Variants in PDE1B observed in about 807,000 individuals in gnomAD.
PDE1B encodes the protein phosphodiesterase 1B.
A neutral mutation model predicts 66.7 loss-of-function variants in PDE1B; 13 were observed. That is an observed-to-expected ratio of 0.19 (90% confidence interval 0.13 to 0.31). The LOEUF (loss-of-function observed/expected upper bound fraction) is 0.31. Ranked by LOEUF, PDE1B falls within the 10% of genes least tolerant of loss-of-function variation. The pLI is 1.00. For missense variants in PDE1B, 485 were observed against 682.3 expected, an observed-to-expected ratio of 0.71 and a Z score of 3.22; for synonymous variants, 230 against 253.9, an observed-to-expected ratio of 0.91 and a Z score of 0.90.
chr12:54,551,594 C>T (rs1957278312), intron 2 of PDE1B, among the ~76,000 whole-genome samples: 1 of 152,154 alleles, frequency 6.6e-6, no homozygotes, highest in Admixed American at 6.5e-5. Context: ...AGGATGGCTC[C>T]CCTAACACTA....
intron 3 of PDE1B, 192 bp from the exon 4 acceptor site, chr12:54,568,992 C>A: frequency 1.1e-6 from 1 of 940,376 alleles, no homozygotes; most frequent in Non-Finnish European, 1.5e-6. Context: ...CACTACCTCA[C>A]ATGGAGACCT....
chr12:54,566,548 C>T (rs1196781552), intron 2 of PDE1B, among the ~76,000 whole-genome samples: 2 of 152,192 alleles, frequency 1.3e-5, no homozygotes, highest in Non-Finnish European at 2.9e-5. Flanking sequence ...TGCTATTGAT[C>T]CCAAAGCCCT....
chr12:54,550,910 A>C (rs1036470985), intron 2 of PDE1B, among the ~76,000 whole-genome samples: 1 of 152,194 alleles, frequency 6.6e-6, no homozygotes. Context: ...GCCATGCACC[A>C]TGTTTATCTC....
rs1957715248 is a variant in PDE1B at position 54,575,358 on chromosome 12, C to T, written c.1185+140C>T. On this transcript the variant is annotated intron_variant, in intron 11 of 15. Coordinates refer to ENST00000243052, the MANE Select transcript of PDE1B (RefSeq NM_000924.4). This position sits in a 1 kb window ranked among gnomAD's most constrained non-coding sequence, Gnocchi z 4.0. ...TGATCCCAAATCCTTGGGGTAAAAC[C>T]CCATTATCCTAAAAGCCTAACAATA... 1.1e-5 allele frequency: 9 copies of T among 818,690 alleles called. No individual in the cohort carries two copies. Among genetic ancestry groups the T allele is most frequent in the Admixed American group, 2.0e-5 (1 of 50,568 alleles). The allele number at this position is 818,690 out of a possible 1,614,324, so 50.7% of individuals were successfully genotyped here. A position where few individuals can be genotyped will look rare whatever the true frequency, so the allele number is the denominator to read the frequency against.
intron 2 of PDE1B, among the ~76,000 whole-genome samples, chr12:54,559,758 G>C (rs1484131204): frequency 2.0e-5 from 3 of 152,176 alleles, no homozygotes; most frequent in Admixed American, 6.5e-5. Flanking sequence ...GGAGAGTTGA[G>C]GTTAGCACTT....
chr12:54,573,642 G>A lies in PDE1B; in HGVS notation c.997G>A (p.Ala333Thr). The A allele has an allele frequency of 6.2e-7, 1 of 1,614,114 alleles. No individual in the cohort carries two copies. Among genetic ancestry groups the A allele is most frequent in the Non-Finnish European group, 8.5e-7 (1 of 1,180,030 alleles). Reference sequence around the variant, plus strand: ...AGCCCTGGTCATTGAGATGGTGTTGGCCACAGACATGTCCTGCCATTTCCA... The same window carrying A: ...AGCCCTGGTCATTGAGATGGTGTTGACCACAGACATGTCCTGCCATTTCCA... ...LRALVIEMVL[A>T]TDMSCHFQQV... is the part of the protein sequence containing the mutation. The change falls in exon 10 of 16, where the codon GCC becomes ACC. Residue 333 changes from alanine to threonine, a missense_variant. Physicochemically the swap from Ala to Thr is moderately conservative, Grantham distance 58. This residue lies in a region of PDE1B where 282 missense variants were observed against 453.4 expected (regional missense o/e 0.62). Transcript: ENST00000243052. This position sits in a 1 kb window ranked among gnomAD's most constrained non-coding sequence, Gnocchi z 5.2.
At chr12:54,576,359 T>G (rs1200146356) in intron 13 of PDE1B, 1 of 627,218 alleles carries the variant, frequency 1.6e-6, no homozygotes, top group Non-Finnish European at 2.8e-6. Flanking sequence ...TTGTTTTAAT[T>G]TTCCTTCTAC....
chr12:54,564,451 G>T (rs958721371), intron 2 of PDE1B, among the ~76,000 whole-genome samples: 4 of 151,862 alleles, frequency 2.6e-5, no homozygotes, highest in Non-Finnish European at 5.9e-5. Flanking sequence ...GGGCAACATA[G>T]CAGGACCTCA....
chr12:54,551,615 A>G (rs908161644), intron 2 of PDE1B, among the ~76,000 whole-genome samples: 2 of 152,216 alleles, frequency 1.3e-5, no homozygotes, highest in Non-Finnish European at 2.9e-5. Context: ...GTGGCTCATC[A>G]TACTTACCTT....
intron 2 of PDE1B, among the ~76,000 whole-genome samples, chr12:54,563,089 C>T (rs58004104): frequency 0.061 from 9,278 of 152,194 alleles, 957 homozygotes; most frequent in African/African-American, 0.21. Context: ...TTCCCCTTTC[C>T]GTTTTATTTA....
Position 54,549,792 on chromosome 12 carries a change from G to C in PDE1B, c.-14+20G>C, listed in dbSNP as rs908853172. 11 of 1,104,166 alleles carry C rather than the reference G, an allele frequency of 1.0e-5. No individual in the cohort carries two copies. Among genetic ancestry groups the C allele is most frequent in the South Asian group, 8.1e-5 (6 of 73,988 alleles). The allele number at this position is 1,104,166 out of a possible 1,614,324, so 68.4% of individuals were successfully genotyped here. ...CCGCAGGTGGGAAGGGCCTGGGATG[G>C]GGGGTGAGGGTCTCTCGGCTGGGGC... On this transcript the variant is annotated intron_variant, in intron 1 of 15. Coordinates refer to ENST00000243052, the MANE Select transcript of PDE1B (RefSeq NM_000924.4).
At position 54,576,389 on chromosome 12, in the gene PDE1B, A is replaced by G. The variant is rs181880928; in HGVS notation, c.1377-182A>G. The G allele has an allele frequency of 2.7e-4, 179 of 655,114 alleles. No individual in the cohort carries two copies. In the African/African-American group the frequency reaches 2.8e-3, roughly 10 times the overall value. 40.6% of individuals were successfully genotyped at this position (655,114 alleles called of 1,614,324 possible). A position where few individuals can be genotyped will look rare whatever the true frequency, so the allele number is the denominator to read the frequency against. On this transcript the variant is annotated intron_variant, in intron 13 of 15. Transcript: ENST00000243052. ...TTCTACCAGGAGGGAAGATGTGGAG[A>G]GGGAGGGGTGAAATGAGGGGGAGAG...
chr12:54,549,746 G>T lies in PDE1B; in HGVS notation c.-40G>T, dbSNP rs907044285. 3 of 690,472 alleles carry T rather than the reference G, an allele frequency of 4.3e-6. No individual in the cohort carries two copies. The highest frequency in any genetic ancestry group is 4.9e-5 in the Admixed American group (2 of 40,634). The allele number at this position is 690,472 out of a possible 1,614,324, so 42.8% of individuals were successfully genotyped here. A position where few individuals can be genotyped will look rare whatever the true frequency, so the allele number is the denominator to read the frequency against. On this transcript the variant is annotated 5_prime_UTR_variant, in exon 1 of 16. Coordinates refer to ENST00000243052, the MANE Select transcript of PDE1B (RefSeq NM_000924.4). ...AGCTTGGGCCGAGCCTAGAGACACC[G>T]GCCTGGCTGGTCCACGCCAGCCGCA...
At position 54,573,316 on chromosome 12, in the gene PDE1B, C is replaced by T. The variant is rs145609580; in HGVS notation, c.837-39C>T. On this transcript the variant is annotated intron_variant, in intron 8 of 15. Transcript: ENST00000243052. The surrounding 1 kb of genome is among the most constrained non-coding windows in gnomAD (Gnocchi z 5.2). ...AGGTGGGGAGGTTGCCGGAGTCCCT[C>T]CTTACAGGGGGTGGTCATGATGACC... The T allele has an allele frequency of 2.6e-4, 427 of 1,614,014 alleles. No individual in the cohort carries two copies. In the African/African-American group the frequency reaches 4.6e-3, roughly 17 times the overall value.
rs142403478 is a variant in PDE1B, at chr12:54,573,856, T to TGAGAGAGAGA, written c.1064+153_1064+162dup. 2,199 of 463,454 alleles carry TGAGAGAGAGA rather than the reference T, an allele frequency of 4.7e-3. 89 individuals carry two copies. Among genetic ancestry groups the TGAGAGAGAGA allele is most frequent in the African/African-American group, 0.016 (653 of 40,022 alleles). 28.7% of individuals were successfully genotyped at this position (463,454 alleles called of 1,614,324 possible). On this transcript the variant is annotated intron_variant, in intron 10 of 15. Transcript: ENST00000243052. This position sits in a 1 kb window ranked among gnomAD's most constrained non-coding sequence, Gnocchi z 5.2. ...TCAGGTATCAGACTGCATCTCTATG[T>TGAGAGAGAGA]GAGAGAGAGAGAGAGTGTGTGTGTG...
chr12:54,567,538 A>T (rs937067912), intron 3 of PDE1B, among the ~76,000 whole-genome samples: 1 of 151,616 alleles, frequency 6.6e-6, no homozygotes, highest in African/African-American at 2.4e-5. Flanking sequence ...TAAAAAAAAT[A>T]AAAAAAGAGC....
chr12:54,572,749 C>G lies in PDE1B; in HGVS notation c.735+8C>G, dbSNP rs773537744. The G allele has an allele frequency of 1.9e-5, 30 of 1,613,058 alleles. No homozygotes were observed. Among genetic ancestry groups the G allele is most frequent in the Admixed American group, 3.3e-5 (2 of 59,990 alleles). ...CTCCGCACAGGGATGGTGGTAGGTGCCCTGGAGATGATTCTTCTGTGATTC... is the reference window on the plus strand; with the variant it reads ...CTCCGCACAGGGATGGTGGTAGGTGGCCTGGAGATGATTCTTCTGTGATTC... On this transcript the variant is annotated splice_region_variant and intron_variant, in intron 7 of 15. Transcript: ENST00000243052.
chr12:54,555,768 T>C, intron 2 of PDE1B, among the ~76,000 whole-genome samples: 1 of 152,172 alleles, frequency 6.6e-6, no homozygotes, highest in East Asian at 1.9e-4. Context: ...ATCTTCTCCT[T>C]TGCCTCATCT....
At position 54,576,447 on chromosome 12, in the gene PDE1B, A is replaced by G. The variant is rs1592175477; in HGVS notation, c.1377-124A>G. ...GACTTGGGGAATATCTAGTAGAGGAAAAGAGGAAGATGAAGTTCCCTGAAC... is the reference window on the plus strand; with the variant it reads ...GACTTGGGGAATATCTAGTAGAGGAGAAGAGGAAGATGAAGTTCCCTGAAC... On this transcript the variant is annotated intron_variant, in intron 13 of 15. Coordinates refer to ENST00000243052, the MANE Select transcript of PDE1B (RefSeq NM_000924.4). 4.4e-6 allele frequency: 5 copies of G among 1,128,904 alleles called. No individual in the cohort carries two copies. The Admixed American group carries it at 8.3e-5, about 19-fold the overall frequency. 69.9% of individuals were successfully genotyped at this position (1,128,904 alleles called of 1,614,324 possible). A position where few individuals can be genotyped will look rare whatever the true frequency, so the allele number is the denominator to read the frequency against.
Sources: gnomAD v4.1 joint callset for allele counts (sites outside exome capture counted in the v4.1 genomes callset) on GRCh38, gnomAD v4.1.1 for gene constraint, gnomAD v4.1.1 regional missense constraint, Gnocchi (gnomAD v3.1) non-coding constraint, MANE v1.5 for transcripts, NCBI Gene and HGNC (gene_info 2026-07-23, HGNC 2026-07-21) for gene names.